Variants in SMARCC1 observed in about 807,000 individuals in gnomAD.
The protein encoded by SMARCC1 is SWI/SNF related BAF chromatin remodeling complex subunit C1.
A neutral mutation model predicts 147.4 loss-of-function variants in SMARCC1; 43 were observed. The observed-to-expected ratio is 0.29, with a 90% confidence interval of 0.23 to 0.38. SMARCC1 has a LOEUF of 0.38. Among genes scored for constraint, SMARCC1 ranks in the 10% least tolerant of loss-of-function variants. The pLI is 1.00. For missense variants in SMARCC1, 1,119 were observed against 1,381.1 expected (o/e 0.81, Z 3.01); for synonymous variants, 495 against 484.4 (o/e 1.02, Z -0.29).
At chr3:47,661,106 A>G (rs1050126123) in intron 21 of SMARCC1, among the ~76,000 whole-genome samples, 188 bp downstream of exon 21, 1 of 152,222 alleles carries the variant, frequency 6.6e-6, no homozygotes, top group Middle Eastern at 3.2e-3. Flanking sequence ...CAGTTACAAG[A>G]TAATTTTTTA....
chr3:47,694,879 G>C (rs1249050392), intron 11 of SMARCC1, among the ~76,000 whole-genome samples: 1 of 152,128 alleles, frequency 6.6e-6, no homozygotes. Context: ...ATGTAATTTA[G>C]TCTAAGGGGT....
intron 6 of SMARCC1, among the ~76,000 whole-genome samples, 188 bp from the exon 7 acceptor site, chr3:47,720,923 C>T (rs1181023645): frequency 6.6e-6 from 1 of 152,174 alleles, no homozygotes; most frequent in African/African-American, 2.4e-5. Flanking sequence ...AGGGAAATTT[C>T]TCAGTCTTTC....
intron 6 of SMARCC1, among the ~76,000 whole-genome samples, chr3:47,724,810 C>T (rs1333225030): frequency 6.6e-6 from 1 of 152,060 alleles, no homozygotes; most frequent in East Asian, 1.9e-4. Flanking sequence ...AATCCCAAAA[C>T]ACTGGGAGGC....
intron 2 of SMARCC1, among the ~76,000 whole-genome samples, chr3:47,749,513 A>T (rs1176618350): frequency 2.6e-5 from 4 of 151,890 alleles, no homozygotes; most frequent in Non-Finnish European, 5.9e-5. Flanking sequence ...ATTATAAAAC[A>T]AAAATGAGCC....
chr3:47,753,187 T>A (rs1359353854), intron 2 of SMARCC1, among the ~76,000 whole-genome samples: 1 of 151,416 alleles, frequency 6.6e-6, no homozygotes, highest in Non-Finnish European at 1.5e-5. Context: ...TAGTCGGACG[T>A]GGTGGGACAC....
At chr3:47,651,169 T>C (rs1398564092) in intron 21 of SMARCC1, among the ~76,000 whole-genome samples, 1 of 151,952 alleles carries the variant, frequency 6.6e-6, no homozygotes, top group African/African-American at 2.4e-5. Context: ...CAAGGTGTGG[T>C]GATGCACCCC....
chr3:47,587,757 G>A lies in SMARCC1; in HGVS notation c.*452C>T, dbSNP rs554744793. 1 of 155,542 alleles carries A rather than the reference G, an allele frequency of 6.4e-6. No homozygotes were observed. Among genetic ancestry groups the A allele is most frequent in the East Asian group, 1.9e-4 (1 of 5,196 alleles). 9.6% of individuals were successfully genotyped at this position (155,542 alleles called of 1,614,324 possible). On this transcript the variant is annotated 3_prime_UTR_variant, in exon 28 of 28. Coordinates refer to ENST00000254480, the MANE Select transcript of SMARCC1 (RefSeq NM_003074.4). ...CCCCTTCTGCCCATCATTATTTTTT[G>A]GTTCCTATTAACTTAGGATGCTCTC...
chr3:47,713,362 A>AAAT (rs1559652048), intron 8 of SMARCC1, among the ~76,000 whole-genome samples: 2 of 145,154 alleles, frequency 1.4e-5, no homozygotes, highest in African/African-American at 5.5e-5. Flanking sequence ...AATAAATAAA[A>AAAT]GATAAATCTG....
chr3:47,662,947 G>A (rs1230425179), intron 19 of SMARCC1, among the ~76,000 whole-genome samples: 9 of 150,664 alleles, frequency 6.0e-5, no homozygotes, highest in African/African-American at 9.8e-5. Context: ...ATGGTGGTGC[G>A]TGCCTGTAAT....
chr3:47,754,957 C>G (rs1017780293), intron 2 of SMARCC1, among the ~76,000 whole-genome samples: 1 of 152,146 alleles, frequency 6.6e-6, no homozygotes, highest in East Asian at 1.9e-4. Flanking sequence ...ACAGGAGAAT[C>G]GCTTGAACCC....
chr3:47,772,905 G>A lies in SMARCC1; in HGVS notation c.227C>T (p.Thr76Ile), dbSNP rs776921757. 1.2e-6 allele frequency: 2 copies of A among 1,613,508 alleles called. No homozygotes were observed. The stretch of plus-strand genomic sequence containing the variant: ...AAGCTGCACCACCAGCCCAGCCAGT[G>A]TTTTATTGGTAGGAGCATCCGCATG... ...YVHADAPTNK[T>I]LAGLVVQLLQ... The change falls in exon 2 of 28, where the codon ACA (threonine) becomes ATA (isoleucine). Residue 76 changes from threonine to isoleucine, a missense_variant. By Grantham distance (89) the Thr-to-Ile change is moderately conservative. Transcript: ENST00000254480.
At chr3:47,621,687 G>A (rs890248362) in intron 25 of SMARCC1, among the ~76,000 whole-genome samples, 1 of 152,106 alleles carries the variant, frequency 6.6e-6, no homozygotes, top group Non-Finnish European at 1.5e-5. Flanking sequence ...AGACTGAAAA[G>A]CTACATATTG....
At chr3:47,774,081 G>A (rs1234924371) in intron 1 of SMARCC1, among the ~76,000 whole-genome samples, 1 of 151,932 alleles carries the variant, frequency 6.6e-6, no homozygotes, top group Non-Finnish European at 1.5e-5. Context: ...AATGTGGTAT[G>A]TCTCTATTAC....
intron 3 of SMARCC1, among the ~76,000 whole-genome samples, chr3:47,738,411 C>G (rs1054081526): frequency 2.6e-5 from 4 of 152,170 alleles, no homozygotes; most frequent in African/African-American, 7.2e-5. Flanking sequence ...CCAGGCTGGG[C>G]GCAGTGGCTG....
At chr3:47,683,364 T>C (rs552892167) in intron 14 of SMARCC1, among the ~76,000 whole-genome samples, 55 of 152,108 alleles carry the variant, frequency 3.6e-4, no homozygotes, top group Admixed American at 1.8e-3. Flanking sequence ...TGGTTTTAAA[T>C]GTACTCAGGA....
chr3:47,675,647 G>A, intron 17 of SMARCC1, 59 bp from the exon 18 acceptor site: 2 of 976,784 alleles, frequency 2.0e-6, no homozygotes, highest in East Asian at 2.5e-5. Flanking sequence ...GAGGGTAAAT[G>A]TTTTTAAAAA....
intron 21 of SMARCC1, among the ~76,000 whole-genome samples, chr3:47,647,281 A>G (rs1399849785): frequency 6.6e-6 from 1 of 152,234 alleles, no homozygotes; most frequent in African/African-American, 2.4e-5. Context: ...TAATCTGAAT[A>G]TCCACATGAT....
intron 6 of SMARCC1, among the ~76,000 whole-genome samples, chr3:47,723,348 T>C (rs1295871293): frequency 6.7e-6 from 1 of 149,998 alleles, no homozygotes; most frequent in Admixed American, 6.7e-5. Context: ...TTGGGTTTTT[T>C]TGTTGGGTTT....
chr3:47,638,542 C>T (rs1251056047), intron 22 of SMARCC1, among the ~76,000 whole-genome samples, 183 bp downstream of exon 22: 1 of 152,134 alleles, frequency 6.6e-6, no homozygotes, highest in Non-Finnish European at 1.5e-5. Flanking sequence ...TACACCTCCC[C>T]AGTGAACAAA....
Sources: allele counts gnomAD v4.1 joint callset (sites outside exome capture counted in the v4.1 genomes callset), GRCh38; gene constraint gnomAD v4.1.1; transcripts MANE v1.5; gene names NCBI Gene and HGNC (gene_info 2026-07-23, HGNC 2026-07-21).